ATXN10: variants seen among roughly 807,000 people sequenced by gnomAD.
ATXN10 encodes the protein ataxin 10.
A neutral mutation model predicts 52.9 loss-of-function variants in ATXN10; 28 were observed. That is an observed-to-expected ratio of 0.53 (90% CI 0.39 to 0.73). ATXN10 has a LOEUF of 0.73. ATXN10 is among the 30% of genes least tolerant of loss of function. The pLI is 0.00. For synonymous variants in ATXN10, 226 were observed against 221.5 expected, an observed-to-expected ratio of 1.02 and a Z score of -0.18; for missense variants, 565 against 577.0, an observed-to-expected ratio of 0.98 and a Z score of 0.21.
intron 9 of ATXN10, among the ~76,000 whole-genome samples, chr22:45,755,004 C>T (rs1926123404): frequency 6.6e-6 from 1 of 152,238 alleles, no homozygotes; most frequent in Admixed American, 6.5e-5. Context: ...GACTGACTGG[C>T]TGTCTCTCAC....
chr22:45,808,414 CA>C (rs1928172973), intron 10 of ATXN10, among the ~76,000 whole-genome samples: 1 of 152,162 alleles, frequency 6.6e-6, no homozygotes, highest in Non-Finnish European at 1.5e-5. Context: ...TGGCTTTTAG[CA>C]AAGACCAGAA....
intron 9 of ATXN10, among the ~76,000 whole-genome samples, chr22:45,777,486 A>G (rs1422680632): frequency 2.0e-5 from 3 of 152,230 alleles, no homozygotes; most frequent in African/African-American, 4.8e-5. Context: ...GAGAGCTTGC[A>G]TATTTTCCTT....
At chr22:45,742,145 T>C (rs1368166113) in intron 9 of ATXN10, among the ~76,000 whole-genome samples, 1 of 151,924 alleles carries the variant, frequency 6.6e-6, no homozygotes, top group East Asian at 1.9e-4. Flanking sequence ...GTTTATAGTA[T>C]TAAGTCCAAC....
At chr22:45,812,042 C>T (rs1306987349) in intron 10 of ATXN10, among the ~76,000 whole-genome samples, 2 of 152,134 alleles carry the variant, frequency 1.3e-5, no homozygotes, top group South Asian at 2.1e-4. Context: ...TTTTTGTTTC[C>T]GAGAAGGATC....
chr22:45,741,781 T>G (rs1925546066), intron 9 of ATXN10, among the ~76,000 whole-genome samples: 1 of 152,148 alleles, frequency 6.6e-6, no homozygotes, highest in South Asian at 2.1e-4. Context: ...AATTATAAAC[T>G]TTGGACAAAA....
At chr22:45,839,103 T>G (rs553913746) in intron 10 of ATXN10, among the ~76,000 whole-genome samples, 1 of 152,216 alleles carries the variant, frequency 6.6e-6, no homozygotes, top group African/African-American at 2.4e-5. Flanking sequence ...GTATTAAATG[T>G]ATATTTAAAT....
intron 9 of ATXN10, 137 bp downstream of exon 9, chr22:45,740,675 TG>T (rs1403814636): frequency 1.8e-6 from 1 of 559,350 alleles, no homozygotes; most frequent in African/African-American, 2.7e-5. Context: ...ATATTTTATA[TG>T]AATACACACA....
rs555416772 is a variant in ATXN10, at chr22:45,803,339, A to C, written c.1174-3620A>C. On this transcript the variant is annotated intron_variant, in intron 9 of 11. Transcript: ENST00000252934. ...ATCTTATCTTCCAGCTTTTGCACAT[A>C]CTCTTCCCCCTGCCCAAAACACTCC... Among the ~76,000 whole-genome samples, 12 of 151,392 alleles carry C rather than the reference A, an allele frequency of 7.9e-5. No individual in the cohort carries two copies. The South Asian group carries it at 2.5e-3, about 32-fold the overall frequency.
chr22:45,768,419 A>G (rs376828162), intron 9 of ATXN10, among the ~76,000 whole-genome samples: 2 of 152,348 alleles, frequency 1.3e-5, no homozygotes, highest in East Asian at 1.9e-4. Context: ...AAACACATAG[A>G]AAACACAACT....
chr22:45,800,923 C>T (rs1189071859), intron 9 of ATXN10, among the ~76,000 whole-genome samples: 7 of 152,174 alleles, frequency 4.6e-5, no homozygotes, highest in African/African-American at 1.4e-4. Context: ...TGCAGAGCTG[C>T]GCAAGGAGCT....
At position 45,781,339 on chromosome 22, in the gene ATXN10, G is replaced by A. The variant is rs965985493; in HGVS notation, c.1174-25620G>A. Among the ~76,000 whole-genome samples the A allele has an allele frequency of 2.0e-5, 3 of 152,048 alleles. No individual in the cohort carries two copies. In the South Asian group the frequency reaches 6.2e-4, roughly 32 times the overall value. ...CAGCTGTACTGTCAGCAGAGACCGA[G>A]TAGGGAGCATGAACAACCAGCTCTG... On this transcript the variant is annotated intron_variant, in intron 9 of 11. Transcript: ENST00000252934. This position sits in a 1 kb window ranked among gnomAD's most constrained non-coding sequence, Gnocchi z 4.2.
chr22:45,692,262 T>C (rs1394316062), intron 2 of ATXN10, among the ~76,000 whole-genome samples: 2 of 152,228 alleles, frequency 1.3e-5, no homozygotes, highest in Non-Finnish European at 1.5e-5. Flanking sequence ...ATAAATACTA[T>C]GACAAGTAAG....
At position 45,783,622 on chromosome 22, in the gene ATXN10, G is replaced by A. The variant is rs746690968; in HGVS notation, c.1174-23337G>A. ...ATGGTGCTTTTTGCTTGTCTGTGGG[G>A]CCTTCTCTCTCCCTTATCCCCACCC... is the stretch of plus-strand genomic sequence containing the variant. On this transcript the variant is annotated intron_variant, in intron 9 of 11. Coordinates refer to ENST00000252934, the MANE Select transcript of ATXN10 (RefSeq NM_013236.4). The surrounding 1 kb of genome is among the most constrained non-coding windows in gnomAD (Gnocchi z 5.0). 6.6e-6 allele frequency among the ~76,000 whole-genome samples: 1 copy of A among 152,112 alleles called. No homozygotes were observed. Among genetic ancestry groups the A allele is most frequent in the Non-Finnish European group, 1.5e-5 (1 of 68,026 alleles).
Position 45,803,069 on chromosome 22 carries a change from T to G in ATXN10, c.1174-3890T>G, listed in dbSNP as rs118024113. ...TAACAGTGTGAATGTCACCAACTACTGCTATCACTCCCAGTGCTCTTTATT... is the reference window on the plus strand; with the variant it reads ...TAACAGTGTGAATGTCACCAACTACGGCTATCACTCCCAGTGCTCTTTATT... On this transcript the variant is annotated intron_variant, in intron 9 of 11. Transcript: ENST00000252934. Among the ~76,000 whole-genome samples, 11 of 152,366 alleles carry G rather than the reference T, an allele frequency of 7.2e-5. No individual in the cohort carries two copies. In the East Asian group the frequency reaches 2.1e-3, roughly 29 times the overall value.
rs1923987297 is a variant in ATXN10 at position 45,705,052 on chromosome 22, A to G, written c.647+2205A>G. 6.6e-6 allele frequency among the ~76,000 whole-genome samples: 1 copy of G among 152,162 alleles called. No homozygotes were observed. ...TATGGCTTTGTCTTTTAGTCTATTA[A>G]TACTTTGTCTAACAGTGATTTTTAT... On this transcript the variant is annotated intron_variant, in intron 5 of 11. Coordinates refer to ENST00000252934, the MANE Select transcript of ATXN10 (RefSeq NM_013236.4). This position sits in a 1 kb window ranked among gnomAD's most constrained non-coding sequence, Gnocchi z 5.2.
At chr22:45,741,351 C>A (rs976014273) in intron 9 of ATXN10, among the ~76,000 whole-genome samples, 1 of 152,132 alleles carries the variant, frequency 6.6e-6, no homozygotes, top group Admixed American at 6.6e-5. Context: ...GATCCTATAC[C>A]ATTTGTAGCA....
chr22:45,692,711 A>G (rs1050314297), intron 2 of ATXN10, among the ~76,000 whole-genome samples: 9 of 152,228 alleles, frequency 5.9e-5, no homozygotes, highest in Non-Finnish European at 1.2e-4. Context: ...GTTTTTGCCA[A>G]GAATGCATGG....
At position 45,818,592 on chromosome 22, in the gene ATXN10, G is replaced by GA. The variant is rs1446801371; in HGVS notation, c.1237+11571dup. 6.6e-6 allele frequency among the ~76,000 whole-genome samples: 1 copy of GA among 152,128 alleles called. No individual in the cohort carries two copies. Among genetic ancestry groups the GA allele is most frequent in the Non-Finnish European group, 1.5e-5 (1 of 68,018 alleles). ...AAGGTGACCACCCTCGCTTTCAGCG[G>GA]ACCGGGGCAGGGATCAGGGATCAAC... On this transcript the variant is annotated intron_variant, in intron 10 of 11. Transcript: ENST00000252934. The surrounding 1 kb of genome is among the most constrained non-coding windows in gnomAD (Gnocchi z 4.6).
intron 9 of ATXN10, among the ~76,000 whole-genome samples, chr22:45,741,143 G>A (rs538814483): frequency 3.9e-5 from 6 of 152,216 alleles, no homozygotes; most frequent in East Asian, 3.9e-4. Flanking sequence ...TACTTCGGGT[G>A]GCATTTGATT....
Sources: gnomAD v4.1 joint callset for allele counts (sites outside exome capture counted in the v4.1 genomes callset) on GRCh38, gnomAD v4.1.1 for gene constraint, Gnocchi (gnomAD v3.1) non-coding constraint, MANE v1.5 for transcripts, NCBI Gene and HGNC (gene_info 2026-07-23, HGNC 2026-07-21) for gene names.